The following EPHX3 variants were observed in gnomAD, a reference collection of about 807,000 sequenced individuals.
The protein encoded by EPHX3 is abhydrolase domain containing 9.
Under a neutral mutation model 40.2 loss-of-function variants are expected in EPHX3, and 39 were observed. The observed-to-expected ratio is 0.97, with a 90% confidence interval of 0.75 to 1.27. EPHX3 has a LOEUF of 1.27. Ranked by LOEUF, EPHX3 falls within the 50% of genes most tolerant of loss-of-function variation. The pLI, the probability that EPHX3 is intolerant of heterozygous loss-of-function variation, is 0.00. For missense variants in EPHX3, 442 were observed against 474.0 expected (o/e 0.93, Z 0.63); for synonymous variants, 213 against 209.7 (o/e 1.02, Z -0.14).
intron 4 of EPHX3, among the ~76,000 whole-genome samples, chr19:15,229,659 C>T (rs2047138547): frequency 6.7e-6 from 1 of 149,970 alleles, no homozygotes. Flanking sequence ...CTTTGAGAGG[C>T]CAAGGTGGGC....
upstream of EPHX3, chr19:15,236,769 C>T (rs1442884422): frequency 5.7e-6 from 1 of 176,542 alleles, no homozygotes; most frequent in Non-Finnish European, 1.2e-5. Flanking sequence ...GGTCTGGGGT[C>T]CAGGGGGTCC....
rs2047118173 is a variant in EPHX3 at position 15,227,211 on chromosome 19, T to C, written c.*226A>G. The C allele has an allele frequency of 5.8e-6, 3 of 516,234 alleles. No individual in the cohort carries two copies. In the South Asian group the frequency reaches 8.0e-5, roughly 14 times the overall value. 32.0% of individuals were successfully genotyped at this position (516,234 alleles called of 1,614,324 possible). A position where few individuals can be genotyped will look rare whatever the true frequency, so the allele number is the denominator to read the frequency against. On this transcript the variant is annotated 3_prime_UTR_variant, in exon 7 of 7. Coordinates refer to ENST00000221730, the MANE Select transcript of EPHX3 (RefSeq NM_024794.3). ...GTATACCCAGTTCCCAGGGTCAAAGTGTTTGTTACACACACATGCATCCAT... is the reference window on the plus strand; with the variant it reads ...GTATACCCAGTTCCCAGGGTCAAAGCGTTTGTTACACACACATGCATCCAT...
Position 15,227,537 on chromosome 19 carries a change from T to C in EPHX3, c.983A>G (p.Glu328Gly). The change falls in exon 7 of 7, where the codon GAG becomes GGG. Residue 328 changes from glutamate to glycine, a missense_variant. Physicochemically the swap from Glu to Gly is moderately conservative, Grantham distance 98. Transcript: ENST00000221730. The stretch of plus-strand genomic sequence containing the variant: ...CCCTATGCCTGGCAGGATGTGGGCC[T>C]CCAAGCGGCCCGGCACAAAGCGGCT... ...IGSRFVPGRL[E>G]AHILPGIGHW... is the part of the protein sequence containing the mutation. 1 of 1,613,990 alleles carries C rather than the reference T, an allele frequency of 6.2e-7. No homozygotes were observed. Among genetic ancestry groups the C allele is most frequent in the Non-Finnish European group, 8.5e-7 (1 of 1,179,992 alleles).
intron 3 of EPHX3, 39 bp from the exon 4 acceptor site, chr19:15,231,129 A>G (rs774959495): frequency 6.2e-7 from 1 of 1,613,480 alleles, no homozygotes; most frequent in South Asian, 1.1e-5. Flanking sequence ...TGAGGTGCCC[A>G]GTAGGACTGA....
At chr19:15,228,503 ATTTTTTTTTTTTTTT>A (rs780716729) in intron 4 of EPHX3, among the ~76,000 whole-genome samples, 28 of 62,744 alleles carry the variant, frequency 4.5e-4, no homozygotes, top group South Asian at 1.6e-3. Flanking sequence ...TGTATCTATA[ATTTTTTTTTTTTTTT>A]TTTTTTTTTT....
upstream of EPHX3, among the ~76,000 whole-genome samples, chr19:15,232,626 C>T (rs913474511): frequency 2.0e-5 from 3 of 151,082 alleles, no homozygotes; most frequent in Non-Finnish European, 2.9e-5. Flanking sequence ...CCTGTAATCC[C>T]AGCACTTTGG....
chr19:15,229,131 G>C (rs1314849941), intron 4 of EPHX3, among the ~76,000 whole-genome samples: 1 of 152,204 alleles, frequency 6.6e-6, no homozygotes, highest in Admixed American at 6.5e-5. Context: ...TGTAATCCCA[G>C]CACTTTGGGA....
In EPHX3 at chr19:15,228,106, GT is replaced by G; in HGVS notation, c.617-7del. 2.0e-6 allele frequency: 3 copies of G among 1,522,344 alleles called. No homozygotes were observed. Among genetic ancestry groups the G allele is most frequent in the South Asian group, 2.3e-5 (2 of 88,508 alleles). The allele number at this position is 1,522,344 out of a possible 1,614,324, so 94.3% of individuals were successfully genotyped here. A position where few individuals can be genotyped will look rare whatever the true frequency, so the allele number is the denominator to read the frequency against. ...GATGTGGTGCAGGGAATAGTCTGGG[GT>G]GGGAGGGTTGGGGGAGAGATATAAG... On this transcript the variant is annotated splice_region_variant and splice_polypyrimidine_tract_variant and intron_variant, in intron 4 of 6. Coordinates refer to ENST00000221730, the MANE Select transcript of EPHX3 (RefSeq NM_024794.3).
Position 15,230,946 on chromosome 19 carries a change from G to A in EPHX3, c.616+16C>T, listed in dbSNP as rs753209415. 34 of 1,612,864 alleles carry A rather than the reference G, an allele frequency of 2.1e-5. No individual in the cohort carries two copies. Among genetic ancestry groups the A allele is most frequent in the Middle Eastern group, 1.6e-4 (1 of 6,080 alleles). The stretch of plus-strand genomic sequence containing the variant: ...GCACATAAGTACATCCCAGTGTCCC[G>A]GACTCCCACACACACCTTGGTACAC... On this transcript the variant is annotated intron_variant, in intron 4 of 6. Coordinates refer to ENST00000221730, the MANE Select transcript of EPHX3 (RefSeq NM_024794.3).
intron 4 of EPHX3, among the ~76,000 whole-genome samples, chr19:15,229,623 G>A (rs1287532763): frequency 2.7e-5 from 4 of 149,484 alleles, no homozygotes; most frequent in Non-Finnish European, 5.9e-5. Flanking sequence ...GGCCAGGCGT[G>A]GTGGCTCACG....
At chr19:15,230,344 T>C (rs1251046077) in intron 4 of EPHX3, among the ~76,000 whole-genome samples, 1 of 151,828 alleles carries the variant, frequency 6.6e-6, no homozygotes, top group African/African-American at 2.4e-5. Flanking sequence ...GATTTTTTTG[T>C]ATTTTTAGTA....
chr19:15,231,454 C>CT (rs2047153812), intron 2 of EPHX3, 58 bp from the exon 3 acceptor site: 9 of 1,575,604 alleles, frequency 5.7e-6, no homozygotes, highest in Non-Finnish European at 6.0e-6. Flanking sequence ...CACCTGCACC[C>CT]TACGCACATC....
Position 15,227,529 on chromosome 19 carries a change from T to C in EPHX3, c.991A>G (p.Ile331Val), listed in dbSNP as rs1468605091. The C allele has an allele frequency of 6.8e-6, 11 of 1,613,990 alleles. No homozygotes were observed. Among genetic ancestry groups the C allele is most frequent in the Admixed American group, 1.7e-5 (1 of 59,992 alleles). ...ATCCAATGCCCTATGCCTGGCAGGATGTGGGCCTCCAAGCGGCCCGGCACA... is the reference window on the plus strand; with the variant it reads ...ATCCAATGCCCTATGCCTGGCAGGACGTGGGCCTCCAAGCGGCCCGGCACA... Reference protein sequence around the residue: ...RFVPGRLEAHILPGIGHWIPQ... With the variant: ...RFVPGRLEAHVLPGIGHWIPQ... The change falls in exon 7 of 7, where the codon ATC (isoleucine) becomes GTC (valine). Residue 331 changes from isoleucine to valine, a missense_variant. Ile to Val is a conservative substitution (Grantham distance 29, BLOSUM62 3). Transcript: ENST00000221730.
rs771055251 is a variant in EPHX3, at chr19:15,232,170, G to T, written c.42C>A (p.Arg14=). The T allele has an allele frequency of 6.6e-7, 1 of 1,524,278 alleles. No homozygotes were observed. The highest frequency in any genetic ancestry group is 8.7e-7 in the Non-Finnish European group (1 of 1,143,310). The allele number at this position is 1,524,278 out of a possible 1,614,324, so 94.4% of individuals were successfully genotyped here. A position where few individuals can be genotyped will look rare whatever the true frequency, so the allele number is the denominator to read the frequency against. The change falls in exon 1 of 7, where the codon CGC becomes CGA. Residue 14 remains arginine (R), a synonymous_variant. Transcript: ENST00000221730. Reference sequence around the variant, plus strand: ...AGGCGCGCAGCAGCTTCAGCGACAGGCGCGACGGCGCCAGCAGCGCGGTCA... The same window carrying T: ...AGGCGCGCAGCAGCTTCAGCGACAGTCGCGACGGCGCCAGCAGCGCGGTCA... ...LVVTALLAPS[R]LSLKLLRAFM... is the part of the protein sequence containing the mutation.
intron 4 of EPHX3, among the ~76,000 whole-genome samples, chr19:15,229,910 AAGAAAAGAAAAG>A (rs2047141822): frequency 2.9e-5 from 4 of 140,314 alleles, no homozygotes; most frequent in African/African-American, 5.3e-5. Flanking sequence ...AAAAAAAAAA[AAGAAAAGAAAAG>A]AAAAAGAAAA....
At position 15,226,973 on chromosome 19, in the gene EPHX3, G is replaced by A. The variant is rs2047116635; in HGVS notation, c.*464C>T. 1 of 167,490 alleles carries A rather than the reference G, an allele frequency of 6.0e-6. No homozygotes were observed. The highest frequency in any genetic ancestry group is 2.4e-5 in the African/African-American group (1 of 41,780). 10.4% of individuals were successfully genotyped at this position (167,490 alleles called of 1,614,324 possible). Reference sequence around the variant, plus strand: ...TTCATTTCAATTAACATACATTTAAGCTGAAGTAGCCAAATGTGGTCAGCA... The same window carrying A: ...TTCATTTCAATTAACATACATTTAAACTGAAGTAGCCAAATGTGGTCAGCA... On this transcript the variant is annotated 3_prime_UTR_variant, in exon 7 of 7. Transcript: ENST00000221730.
chr19:15,233,784 G>GC (rs1420991718), upstream of EPHX3, among the ~76,000 whole-genome samples: 3 of 152,174 alleles, frequency 2.0e-5, no homozygotes, highest in Non-Finnish European at 4.4e-5. Flanking sequence ...CCAGCTTCTG[G>GC]CCAGGCGCGG....
At chr19:15,235,036 A>T (rs893044731), upstream of EPHX3, among the ~76,000 whole-genome samples, 1 of 151,934 alleles carries the variant, frequency 6.6e-6, no homozygotes, top group Non-Finnish European at 1.5e-5. Flanking sequence ...GAGTCTCACC[A>T]TATCACCCAA....
In EPHX3 at chr19:15,229,549, C is replaced by T. The variant is rs80099430; in HGVS notation, c.616+1413G>A. 9.3e-4 allele frequency among the ~76,000 whole-genome samples: 140 copies of T among 150,264 alleles called. No homozygotes were observed. The East Asian group carries it at 0.023, about 25-fold the overall frequency. On this transcript the variant is annotated intron_variant, in intron 4 of 6. Transcript: ENST00000221730. ...CCTGAGAGGCGGAGGTTGCCGTGAG[C>T]CGACATTGCGCCACTGCACTGCACA...
Sources: allele counts gnomAD v4.1 joint callset (sites outside exome capture counted in the v4.1 genomes callset), GRCh38; gene constraint gnomAD v4.1.1; transcripts MANE v1.5; gene names NCBI Gene and HGNC (gene_info 2026-07-23, HGNC 2026-07-21).